The following COL4A5 variants were observed in gnomAD, a reference collection of about 807,000 sequenced individuals.
COL4A5 encodes collagen alpha-5(IV) chain.
A neutral mutation model predicts 130.2 loss-of-function variants in COL4A5; 26 were observed. The observed-to-expected ratio is 0.20, with a 90% CI of 0.15 to 0.28. COL4A5 has a LOEUF of 0.28. COL4A5 is among the 10% of genes least tolerant of loss of function. The pLI, the probability that COL4A5 is intolerant of heterozygous loss-of-function variation, is 1.00. For missense variants in COL4A5, 1,131 were observed against 1,344.3 expected (o/e 0.84, Z 2.48); for synonymous variants, 496 against 439.6 (o/e 1.13, Z -1.60).
At chrX:108,526,963 T>G (rs1317889527) in intron 1 of COL4A5, among the ~76,000 whole-genome samples, 1 of 107,581 alleles carries the variant, frequency 9.3e-6, no homozygotes, top group African/African-American at 3.4e-5. Flanking sequence ...GAGATAGGGA[T>G]CTCATCTTGT....
intron 51 of COL4A5, 58 bp from the exon 52 acceptor site, chrX:108,695,209 T>C: frequency 8.4e-7 from 1 of 1,184,498 alleles, no homozygotes; most frequent in Non-Finnish European, 1.1e-6. Context: ...TCTTTGGATA[T>C]TCACTAAGCT....
chrX:108,489,201 G>T (rs1257759226), intron 1 of COL4A5, among the ~76,000 whole-genome samples: 4 of 111,862 alleles, frequency 3.6e-5, no homozygotes, highest in African/African-American at 1.3e-4. Flanking sequence ...TTGCAGGAAG[G>T]TGAGAAGTTC....
At chrX:108,546,441 C>T in intron 2 of COL4A5, among the ~76,000 whole-genome samples, 1 of 112,220 alleles carries the variant, frequency 8.9e-6, no homozygotes, top group South Asian at 3.7e-4. Context: ...TTGGCCCCCA[C>T]TCTCTTCTGG....
At chrX:108,519,206 G>A (rs2065246049) in intron 1 of COL4A5, among the ~76,000 whole-genome samples, 1 of 111,016 alleles carries the variant, frequency 9.0e-6, no homozygotes, top group Non-Finnish European at 1.9e-5. Flanking sequence ...GTAAAGAATG[G>A]TCAGTCCACA....
chrX:108,620,531 T>C (rs1855377127), intron 31 of COL4A5, 105 bp downstream of exon 31: 1 of 660,658 alleles, frequency 1.5e-6, no homozygotes, highest in Non-Finnish European at 2.4e-6. Flanking sequence ...ACGTGATCCC[T>C]TAAGGATGAG....
chrX:108,629,718 G>T (rs2067217765), intron 36 of COL4A5, among the ~76,000 whole-genome samples: 1 of 110,915 alleles, frequency 9.0e-6, no homozygotes, highest in Non-Finnish European at 1.9e-5. Flanking sequence ...CAACGTGCAG[G>T]TTTGTTACAT....
chrX:108,604,825 C>A (rs1050830147), intron 28 of COL4A5, among the ~76,000 whole-genome samples: 1 of 112,157 alleles, frequency 8.9e-6, no homozygotes, highest in Admixed American at 9.5e-5. Context: ...GCTTCTATAT[C>A]AAAACTTGCT....
At chrX:108,532,770 G>T (rs57045649) in intron 1 of COL4A5, among the ~76,000 whole-genome samples, 11,554 of 110,922 alleles carry the variant, frequency 0.1, 1,300 homozygotes, top group African/African-American at 0.34. Flanking sequence ...AGGAAAGAAA[G>T]AAAGAAAGCA....
chrX:108,514,195 C>T (rs1265967341), intron 1 of COL4A5, among the ~76,000 whole-genome samples: 1 of 111,928 alleles, frequency 8.9e-6, no homozygotes. Flanking sequence ...TGCAGAAGAT[C>T]TAATAAAGAA....
chrX:108,542,134 G>C (rs1296204930), intron 2 of COL4A5, among the ~76,000 whole-genome samples: 1 of 111,748 alleles, frequency 8.9e-6, no homozygotes, highest in Non-Finnish European at 1.9e-5. Flanking sequence ...TATACTTTAA[G>C]TTCTAGGGTA....
chrX:108,533,788 CAG>C (rs1393958562), intron 1 of COL4A5, among the ~76,000 whole-genome samples: 2 of 110,879 alleles, frequency 1.8e-5, no homozygotes, highest in African/African-American at 6.5e-5. Flanking sequence ...ATTTATCTGA[CAG>C]GGGACTAATA....
At chrX:108,621,109 CTTCT>C (rs1211185828) in intron 31 of COL4A5, among the ~76,000 whole-genome samples, 4 of 81,104 alleles carry the variant, frequency 4.9e-5, no homozygotes, top group Admixed American at 1.5e-4. Flanking sequence ...CTTTCCTTTT[CTTCT>C]TTCTTTCTTT....
intron 1 of COL4A5, among the ~76,000 whole-genome samples, chrX:108,447,008 A>G (rs916724653): frequency 2.7e-5 from 3 of 111,085 alleles, no homozygotes; most frequent in Admixed American, 9.6e-5. Context: ...TACCTCTCCT[A>G]CTGATCTCTT....
chrX:108,694,501 C>T (rs2068695511), intron 50 of COL4A5: 1 of 313,706 alleles, frequency 3.2e-6, no homozygotes, highest in African/African-American at 2.6e-5. Context: ...ATACACCAAA[C>T]CAAACTCTTA....
At chrX:108,651,247 T>C (rs1363015475) in intron 36 of COL4A5, among the ~76,000 whole-genome samples, 3 of 111,611 alleles carry the variant, frequency 2.7e-5, no homozygotes, top group Non-Finnish European at 5.7e-5. Flanking sequence ...TTTCTAAAAT[T>C]AGATTGTGAT....
chrX:108,679,868 G>A (rs947887090), intron 44 of COL4A5, among the ~76,000 whole-genome samples: 10 of 111,913 alleles, frequency 8.9e-5, no homozygotes, highest in Admixed American at 1.9e-4. Flanking sequence ...CCACACACCA[G>A]TCTTCTAAGC....
At position 108,477,299 on chromosome X, in the gene COL4A5, TAA is replaced by T. The variant is rs1323335727; in HGVS notation, c.81+37095_81+37096del. On this transcript the variant is annotated intron_variant, in intron 1 of 52. Coordinates refer to ENST00000328300, the MANE Select transcript of COL4A5 (RefSeq NM_033380.3). ...CCTGGGATCATACATAATCTTCAAA[TAA>T]AGACAATAATAAGGTCATAATTACG... Among the ~76,000 whole-genome samples, 11 of 111,516 alleles carry T rather than the reference TAA, an allele frequency of 9.9e-5. No individual in the cohort carries two copies. The East Asian group carries it at 3.1e-3, about 31-fold the overall frequency.
At chrX:108,574,513 T>A (rs2066114088) in intron 9 of COL4A5, among the ~76,000 whole-genome samples, 1 of 111,826 alleles carries the variant, frequency 8.9e-6, no homozygotes, top group Admixed American at 9.5e-5. Context: ...GGTAATCAAA[T>A]CCTTCTGCAT....
intron 1 of COL4A5, among the ~76,000 whole-genome samples, chrX:108,531,846 A>C (rs983365773): frequency 1.8e-5 from 2 of 112,119 alleles, no homozygotes; most frequent in African/African-American, 6.5e-5. Flanking sequence ...GAAGAAATGG[A>C]TAAATTCCTG....
Sources: gnomAD v4.1 joint callset for allele counts (sites outside exome capture counted in the v4.1 genomes callset) on GRCh38, gnomAD v4.1.1 for gene constraint, MANE v1.5 for transcripts, NCBI Gene and HGNC (gene_info 2026-07-23, HGNC 2026-07-21) for gene names.